SLC25A13: variants seen among roughly 807,000 people sequenced by gnomAD.
SLC25A13 encodes the protein solute carrier family 25 member 13.
In SLC25A13, 70 loss-of-function variants were observed where a neutral mutation model predicts 85.5. That is an observed-to-expected ratio of 0.82 (90% confidence interval 0.68 to 1.00). SLC25A13 has a LOEUF of 1.00. Ranked by LOEUF, SLC25A13 falls within the 50% of genes least tolerant of loss-of-function variation. The pLI is 0.00. For missense variants in SLC25A13, 765 were observed against 819.8 expected (o/e 0.93, Z 0.82); for synonymous variants, 259 against 288.7 (o/e 0.90, Z 1.04).
rs1346144766 is a variant in SLC25A13, at chr7:96,169,348, T to G, written c.1311+697A>C. 2.0e-5 allele frequency among the ~76,000 whole-genome samples: 3 copies of G among 152,226 alleles called. No homozygotes were observed. The East Asian group carries it at 5.8e-4, about 29-fold the overall frequency. ...AAAAACCAATATTGTATCGCCTGAG[T>G]GATCAAAGCCTGTTATTTAACCAAT... On this transcript the variant is annotated intron_variant, in intron 13 of 17. Transcript: ENST00000265631.
At chr7:96,233,242 TC>T (rs1226062017) in intron 4 of SLC25A13, among the ~76,000 whole-genome samples, 1 of 152,174 alleles carries the variant, frequency 6.6e-6, no homozygotes, top group East Asian at 1.9e-4. Flanking sequence ...CCTCTGTTCA[TC>T]CCCAGGAAAC....
At chr7:96,185,398 G>A (rs1214676592) in intron 9 of SLC25A13, among the ~76,000 whole-genome samples, 1 of 151,190 alleles carries the variant, frequency 6.6e-6, no homozygotes, top group Non-Finnish European at 1.5e-5. Context: ...AGGAGTTCAA[G>A]ACCAGCCTGG....
At chr7:96,152,147 G>A (rs530260726) in intron 13 of SLC25A13, among the ~76,000 whole-genome samples, 5 of 152,150 alleles carry the variant, frequency 3.3e-5, no homozygotes, top group Admixed American at 2.0e-4. Flanking sequence ...TGGAGAAGGG[G>A]TATGAAAGAA....
At chr7:96,160,915 T>A (rs952622656) in intron 13 of SLC25A13, among the ~76,000 whole-genome samples, 1 of 151,852 alleles carries the variant, frequency 6.6e-6, no homozygotes, top group Admixed American at 6.6e-5. Flanking sequence ...AGAAAACCGA[T>A]GGAGCTGCCT....
chr7:96,239,037 T>TTATATATATATATATATATATATA (rs58990918), intron 3 of SLC25A13, among the ~76,000 whole-genome samples: 14 of 130,876 alleles, frequency 1.1e-4, no homozygotes, highest in South Asian at 2.5e-4. Flanking sequence ...ACTATATATT[T>TTATATATATATATATATATATATA]TATATATATA....
chr7:96,151,625 C>T (rs539857249), intron 13 of SLC25A13, among the ~76,000 whole-genome samples: 2 of 148,200 alleles, frequency 1.3e-5, no homozygotes, highest in Non-Finnish European at 3.0e-5. Context: ...TTTTGGTCTT[C>T]ATAATATTAT....
intron 12 of SLC25A13, 105 bp downstream of exon 12, chr7:96,171,367 A>T: frequency 1.0e-6 from 1 of 996,086 alleles, no homozygotes; most frequent in Non-Finnish European, 1.6e-6. Context: ...CAAATTAGCT[A>T]GCACCTCTGA....
At chr7:96,312,974 T>C (rs1800001570) in intron 1 of SLC25A13, among the ~76,000 whole-genome samples, 1 of 152,208 alleles carries the variant, frequency 6.6e-6, no homozygotes. Context: ...CCATAACAGG[T>C]ACTTAATTGA....
chr7:96,176,786 A>G (rs1173813635), intron 11 of SLC25A13, among the ~76,000 whole-genome samples: 1 of 152,198 alleles, frequency 6.6e-6, no homozygotes. Context: ...AGGGATTATG[A>G]AAGAAACTCA....
At position 96,314,511 on chromosome 7, in the gene SLC25A13, CAT is replaced by C. The variant is rs1318666325; in HGVS notation, c.15+7429_15+7430del. Among the ~76,000 whole-genome samples the C allele has an allele frequency of 2.0e-5, 3 of 152,142 alleles. No homozygotes were observed. The East Asian group carries it at 5.8e-4, about 29-fold the overall frequency. ...TCCTTACCTCCAAGCAGAACCAACA[CAT>C]GTCTCAGCGTCACACATTCCTCTGT... On this transcript the variant is annotated intron_variant, in intron 1 of 17. Coordinates refer to ENST00000265631, the MANE Select transcript of SLC25A13 (RefSeq NM_014251.3).
At chr7:96,123,176 G>C (rs952195200) in intron 15 of SLC25A13, among the ~76,000 whole-genome samples, 1 of 152,054 alleles carries the variant, frequency 6.6e-6, no homozygotes, top group South Asian at 2.1e-4. Context: ...CATGCAAAAA[G>C]CTCACTTTAT....
At chr7:96,171,691 T>C (rs926003284) in intron 11 of SLC25A13, among the ~76,000 whole-genome samples, 167 bp from the exon 12 acceptor site, 1 of 152,234 alleles carries the variant, frequency 6.6e-6, no homozygotes, top group Non-Finnish European at 1.5e-5. Context: ...AAGTACTAAC[T>C]TCTAACAGCC....
intron 14 of SLC25A13, among the ~76,000 whole-genome samples, chr7:96,135,141 C>G (rs1330859271): frequency 6.6e-6 from 1 of 152,086 alleles, no homozygotes; most frequent in Non-Finnish European, 1.5e-5. Flanking sequence ...ACAACTGAAA[C>G]TTTAGGAATG....
chr7:96,180,001 T>G (rs1794358098), intron 11 of SLC25A13, among the ~76,000 whole-genome samples: 1 of 152,214 alleles, frequency 6.6e-6, no homozygotes, highest in African/African-American at 2.4e-5. Flanking sequence ...AAAACTTCCC[T>G]CTGCAATATA....
chr7:96,127,139 T>C (rs1791762376), intron 15 of SLC25A13, among the ~76,000 whole-genome samples: 1 of 152,240 alleles, frequency 6.6e-6, no homozygotes, highest in Admixed American at 6.5e-5. Context: ...ATAAAAATCA[T>C]CTGGTATGAT....
chr7:96,294,027 AC>A (rs1442412421), intron 2 of SLC25A13, among the ~76,000 whole-genome samples: 2 of 152,196 alleles, frequency 1.3e-5, no homozygotes, highest in Non-Finnish European at 2.9e-5. Context: ...CTTGGAACCA[AC>A]CCAAATGTCC....
chr7:96,140,369 A>C (rs1410678059), intron 14 of SLC25A13, among the ~76,000 whole-genome samples: 12 of 141,992 alleles, frequency 8.5e-5, no homozygotes, highest in Non-Finnish European at 1.7e-4. Flanking sequence ...AGACTGTACC[A>C]CTTTACATTT....
chr7:96,302,189 A>G (rs866035959), intron 1 of SLC25A13, among the ~76,000 whole-genome samples: 5 of 152,210 alleles, frequency 3.3e-5, no homozygotes, highest in East Asian at 1.9e-4. Context: ...AAGAAAAACA[A>G]TAACACAATT....
At chr7:96,232,677 T>C (rs1350760930) in intron 4 of SLC25A13, among the ~76,000 whole-genome samples, 1 of 150,482 alleles carries the variant, frequency 6.6e-6, no homozygotes, top group Non-Finnish European at 1.5e-5. Context: ...AGAAAATCTT[T>C]TCCTCTTTTA....
Sources: allele counts gnomAD v4.1 joint callset (sites outside exome capture counted in the v4.1 genomes callset), GRCh38; gene constraint gnomAD v4.1.1; transcripts MANE v1.5; gene names NCBI Gene and HGNC (gene_info 2026-07-23, HGNC 2026-07-21).